Variants in H4C16 observed in about 807,000 individuals in gnomAD.
The protein encoded by H4C16 is histone H4.
At chr12:14,771,049 AC>A in the H4C16 span, 3 of 1,608,936 alleles carry the variant, frequency 1.9e-6, no homozygotes, top group Non-Finnish European at 1.7e-6. Flanking sequence ...CGCCTCCCTT[AC>A]CCAGCCCCTT....
the H4C16 span, chr12:14,770,900 A>G: frequency 6.2e-7 from 1 of 1,614,136 alleles, no homozygotes; most frequent in Non-Finnish European, 8.5e-7. Flanking sequence ...GTTCTCCAGG[A>G]AGACTTTGAG....
the H4C16 span, chr12:14,770,978 C>A: frequency 6.2e-7 from 1 of 1,614,216 alleles, no homozygotes; most frequent in South Asian, 1.1e-5. Context: ...GGCGAGACGG[C>A]GAATCGCCGG....
At chr12:14,770,798 C>G in the H4C16 span, 1 of 1,613,228 alleles carries the variant, frequency 6.2e-7, no homozygotes, top group Non-Finnish European at 8.5e-7. Flanking sequence ...ATAAAGGGTG[C>G]GACCCTGGCG....
chr12:14,770,723 G>C, the H4C16 span: 1 of 1,523,302 alleles, frequency 6.6e-7, no homozygotes. Flanking sequence ...GACAGTTTGG[G>C]GGCCCTGAAA....
chr12:14,771,098 C>G, the H4C16 span: 44 of 1,572,316 alleles, frequency 2.8e-5, no homozygotes, highest in African/African-American at 4.3e-4. Flanking sequence ...GAAATCACAG[C>G]GCCTACTCAG....
At chr12:14,771,009 T>C in the H4C16 span, 1 of 1,614,156 alleles carries the variant, frequency 6.2e-7, no homozygotes, top group Non-Finnish European at 8.5e-7. Context: ...CCTTGGATAT[T>C]GTCCCGCAGC....
At chr12:14,770,843 G>C in the H4C16 span, 1 of 1,614,194 alleles carries the variant, frequency 6.2e-7, no homozygotes, top group East Asian at 2.2e-5. Flanking sequence ...GGCCGTGACG[G>C]TCTTGCGCTT....
the H4C16 span, chr12:14,770,729 T>G: frequency 6.5e-7 from 1 of 1,538,710 alleles, no homozygotes; most frequent in East Asian, 2.3e-5. Flanking sequence ...TTGGGGGCCC[T>G]GAAAAGGGCC....
the H4C16 span, chr12:14,770,966 C>T: frequency 6.2e-7 from 1 of 1,614,226 alleles, no homozygotes; most frequent in Non-Finnish European, 8.5e-7. Context: ...GCCCCCACGT[C>T]GGGCGAGACG....
chr12:14,771,029 T>C, the H4C16 span: 1 of 1,613,442 alleles, frequency 6.2e-7, no homozygotes, highest in South Asian at 1.1e-5. Flanking sequence ...CACCTTCCGG[T>C]GGCGCTTGGC....
the H4C16 span, chr12:14,770,724 G>A: frequency 6.5e-7 from 1 of 1,527,810 alleles, no homozygotes. Flanking sequence ...ACAGTTTGGG[G>A]GCCCTGAAAA....
chr12:14,771,052 C>T, the H4C16 span: 4 of 1,608,540 alleles, frequency 2.5e-6, no homozygotes, highest in Admixed American at 1.7e-5. Flanking sequence ...CTCCCTTACC[C>T]AGCCCCTTGC....
the H4C16 span, chr12:14,771,066 C>A: frequency 3.9e-5 from 62 of 1,601,778 alleles, no homozygotes; most frequent in African/African-American, 7.9e-4. Context: ...CCCTTGCCAC[C>A]TTTACCTCGC....
chr12:14,770,966 C>A, the H4C16 span: 1 of 1,614,226 alleles, frequency 6.2e-7, no homozygotes, highest in Non-Finnish European at 8.5e-7. Flanking sequence ...GCCCCCACGT[C>A]GGGCGAGACG....
chr12:14,770,994 TAATGCCTTGGATATTGTCCCGC>T, the H4C16 span: 3 of 1,614,122 alleles, frequency 1.9e-6, no homozygotes, highest in Non-Finnish European at 2.5e-6. Context: ...GCCGGCTTTG[TAATGCCTTGGATATTGTCCCGC>T]AGCACCTTCC....
chr12:14,770,866 G>GT, the H4C16 span: 1 of 1,614,194 alleles, frequency 6.2e-7, no homozygotes, highest in Non-Finnish European at 8.5e-7. Flanking sequence ...CGTGCTCCGT[G>GT]TAAGTCACCG....
At chr12:14,771,130 G>C in the H4C16 span, 5 of 1,533,406 alleles carry the variant, frequency 3.3e-6, no homozygotes, top group African/African-American at 1.4e-5. Flanking sequence ...GCTGCCCACT[G>C]TGATTGCCAG....
the H4C16 span, chr12:14,770,842 G>C: frequency 1.4e-5 from 22 of 1,614,042 alleles, no homozygotes; most frequent in South Asian, 1.8e-4. Context: ...TGGCCGTGAC[G>C]GTCTTGCGCT....
the H4C16 span, chr12:14,770,858 T>TG: frequency 1.9e-6 from 3 of 1,614,150 alleles, no homozygotes; most frequent in Admixed American, 5.0e-5. Context: ...GCGCTTGGCG[T>TG]GCTCCGTGTA....
Sources: gnomAD v4.1 joint callset for allele counts on GRCh38, gnomAD v4.1.1 for gene constraint, MANE v1.5 for transcripts, NCBI Gene and HGNC (gene_info 2026-07-23, HGNC 2026-07-21) for gene names.